Variants in SH2D5 observed in about 807,000 individuals in gnomAD.
SH2D5 encodes SH2 domain-containing protein 5.
SH2D5 carries 45 observed loss-of-function variants against 48.2 expected under a neutral mutation model. The ratio of observed to expected loss-of-function variants is 0.93; its 90% CI spans 0.73 to 1.20. SH2D5 has a LOEUF of 1.20. Among genes scored for constraint, SH2D5 ranks in the 50% most tolerant of loss-of-function variants. The pLI, the probability that SH2D5 is intolerant of heterozygous loss-of-function variation, is 0.00. For synonymous variants in SH2D5, 230 were observed against 249.8 expected, an observed-to-expected ratio of 0.92 and a Z score of 0.75; for missense variants, 538 against 584.1, an observed-to-expected ratio of 0.92 and a Z score of 0.81.
At chr1:20,726,087 G>C in intron 4 of SH2D5, 21 bp from the exon 5 acceptor site, 1 of 1,579,464 alleles carries the variant, frequency 6.3e-7, no homozygotes. Context: ...AGCAGTGTGA[G>C]GCCCCCATCA....
At chr1:20,725,878 C>T (rs2054787284) in intron 5 of SH2D5, 42 bp downstream of exon 5, 2 of 1,606,072 alleles carry the variant, frequency 1.2e-6, no homozygotes, top group Middle Eastern at 2.0e-4. Context: ...CGCACAGCCC[C>T]TCCGGCCTCC....
chr1:20,730,575 A>G (rs2054889906), intron 1 of SH2D5, among the ~76,000 whole-genome samples: 1 of 151,644 alleles, frequency 6.6e-6, no homozygotes, highest in Admixed American at 6.6e-5. Context: ...GGAAACTGGA[A>G]GTTCCTCCCT....
rs1273483062 is a variant in SH2D5, at chr1:20,721,201, C to G, written c.*591G>C. On this transcript the variant is annotated 3_prime_UTR_variant, in exon 10 of 10. Transcript: ENST00000444387. ...TCTGTCCCTCCTGCCCTCTCTGCAC[C>G]TTCCCACCCCTCCTTCACTCTCAGA... 1 of 153,618 alleles carries G rather than the reference C, an allele frequency of 6.5e-6. No individual in the cohort carries two copies. The highest frequency in any genetic ancestry group is 2.4e-5 in the African/African-American group (1 of 41,426). 9.5% of individuals were successfully genotyped at this position (153,618 alleles called of 1,614,324 possible). A position where few individuals can be genotyped will look rare whatever the true frequency, so the allele number is the denominator to read the frequency against.
chr1:20,723,403 C>T (rs2054727578), intron 8 of SH2D5, among the ~76,000 whole-genome samples: 1 of 152,196 alleles, frequency 6.6e-6, no homozygotes, highest in Non-Finnish European at 1.5e-5. Context: ...CAAATCACCT[C>T]ATTTGACCCT....
rs577545407 is a variant in SH2D5, at chr1:20,729,759, C to T, written c.-42-1673G>A. ...AGCCCGGGAAGGGACCCTGTCTCTGCCTGCCCATGACCTTTAACCTCAGGC... is the reference window on the plus strand; with the variant it reads ...AGCCCGGGAAGGGACCCTGTCTCTGTCTGCCCATGACCTTTAACCTCAGGC... On this transcript the variant is annotated intron_variant, in intron 1 of 9. Transcript: ENST00000444387. The surrounding 1 kb of genome is among the most constrained non-coding windows in gnomAD (Gnocchi z 4.2). Among the ~76,000 whole-genome samples the T allele has an allele frequency of 1.1e-4, 17 of 152,348 alleles. No homozygotes were observed. The South Asian group carries it at 3.3e-3, about 30-fold the overall frequency.
At chr1:20,722,732 C>A in intron 9 of SH2D5, 24 bp downstream of exon 9, 3 of 1,434,576 alleles carry the variant, frequency 2.1e-6, no homozygotes, top group East Asian at 2.8e-5. Context: ...AGGGCCCAGG[C>A]CCCTCTGGCT....
In SH2D5 at chr1:20,728,326, A is replaced by C. The variant is rs1235565319; in HGVS notation, c.-42-240T>G. 6.6e-6 allele frequency among the ~76,000 whole-genome samples: 1 copy of C among 152,230 alleles called. No individual in the cohort carries two copies. The highest frequency in any genetic ancestry group is 1.5e-5 in the Non-Finnish European group (1 of 68,030). Reference sequence around the variant, plus strand: ...ATTGAACTAAATAGTAAGATAGATCATACGTGAGATGGGGATGGAGCAGGG... The same window carrying C: ...ATTGAACTAAATAGTAAGATAGATCCTACGTGAGATGGGGATGGAGCAGGG... On this transcript the variant is annotated intron_variant, in intron 1 of 9. Transcript: ENST00000444387. The surrounding 1 kb of genome is among the most constrained non-coding windows in gnomAD (Gnocchi z 4.3).
rs376043691 is a variant in SH2D5, at chr1:20,724,427, C to T, written c.599G>A (p.Arg200Gln). Reference protein sequence around the residue: ...QNVHALVSFRRLPAEGLVGSG... With the variant: ...QNVHALVSFRQLPAEGLVGSG... Reference sequence around the variant, plus strand: ...GCCCACCAGCCCCTCTGCTGGCAGCCGCCGAAAGGAGACCAGGGCATGGAC... The same window carrying T: ...GCCCACCAGCCCCTCTGCTGGCAGCTGCCGAAAGGAGACCAGGGCATGGAC... The change falls in exon 6 of 10, where the codon CGG (arginine) becomes CAG (glutamine). Residue 200 changes from arginine to glutamine, a missense_variant. By Grantham distance (43) the Arg-to-Gln change is conservative. Transcript: ENST00000444387. 32 of 1,612,926 alleles carry T rather than the reference C, an allele frequency of 2.0e-5. No individual in the cohort carries two copies. The highest frequency in any genetic ancestry group is 1.3e-4 in the East Asian group (6 of 44,876).
chr1:20,722,683 G>A, intron 9 of SH2D5, 73 bp downstream of exon 9: 2 of 1,366,336 alleles, frequency 1.5e-6, no homozygotes, highest in Non-Finnish European at 9.6e-7. Context: ...TTAGAAAAGG[G>A]CAGGCAGGAA....
chr1:20,731,782 AC>A (rs2054915830), intron 1 of SH2D5, among the ~76,000 whole-genome samples: 1 of 151,808 alleles, frequency 6.6e-6, no homozygotes, highest in Non-Finnish European at 1.5e-5. Context: ...CCGCTGCGCT[AC>A]CTCGCTCGGG....
intron 3 of SH2D5, 109 bp downstream of exon 3, chr1:20,727,414 C>A: frequency 8.9e-7 from 1 of 1,118,972 alleles, no homozygotes; most frequent in Non-Finnish European, 1.3e-6. Flanking sequence ...CAAACAGGGC[C>A]TGTGTCCTGC....
In SH2D5 at chr1:20,722,891, C is replaced by T. The variant is rs977192504; in HGVS notation, c.933G>A (p.Arg311=). Residue 311 remains arginine, a synonymous_variant, in exon 9 of 10, where the codon CGG becomes CGA. Transcript: ENST00000444387. Reference sequence around the variant, plus strand: ...GCAGGAAGGCCCCCAGCACGTCTCTCCGCAACAGGGCCAGGGCACAGGGCC... The same window carrying T: ...GCAGGAAGGCCCCCAGCACGTCTCTTCGCAACAGGGCCAGGGCACAGGGCC... ...ISRPCALALL[R]RDVLGAFLLW... 1.2e-6 allele frequency: 2 copies of T among 1,601,530 alleles called. No individual in the cohort carries two copies. The highest frequency in any genetic ancestry group is 1.7e-6 in the Non-Finnish European group (2 of 1,174,460).
rs1284875876 is a variant in SH2D5, at chr1:20,724,099, C to T, written c.783G>A (p.Leu261=). 6.2e-7 allele frequency: 1 copy of T among 1,611,398 alleles called. No homozygotes were observed. The highest frequency in any genetic ancestry group is 8.5e-7 in the Non-Finnish European group (1 of 1,178,800). ...ACAACTCACAGGCCTCCCGAGCCGACAGCTGCAGCTGGGTCTCATAGGTGC... is the reference window on the plus strand; with the variant it reads ...ACAACTCACAGGCCTCCCGAGCCGATAGCTGCAGCTGGGTCTCATAGGTGC... ...RGCTYETQLQ[L]SAREAFPAAW... Residue 261 remains leucine (L), a synonymous_variant, in exon 7 of 10, where the codon CTG becomes CTA. Coordinates refer to ENST00000444387, the MANE Select transcript of SH2D5 (RefSeq NM_001103161.2).
At chr1:20,723,318 C>T (rs1267018687) in intron 8 of SH2D5, among the ~76,000 whole-genome samples, 1 of 152,238 alleles carries the variant, frequency 6.6e-6, no homozygotes, top group Non-Finnish European at 1.5e-5. Flanking sequence ...TGTCAAGACT[C>T]TCTCAGGAGA....
chr1:20,722,100 C>T (rs372989980), intron 9 of SH2D5, 105 bp from the exon 10 acceptor site: 4 of 1,090,298 alleles, frequency 3.7e-6, no homozygotes, highest in African/African-American at 1.6e-5. Context: ...GAGCAGGGAA[C>T]GGAGCCCAGA....
chr1:20,727,331 C>T lies in SH2D5; in HGVS notation c.168+192G>A, dbSNP rs1299441763. On this transcript the variant is annotated intron_variant, in intron 3 of 9. Coordinates refer to ENST00000444387, the MANE Select transcript of SH2D5 (RefSeq NM_001103161.2). ...CATCTGTGGCTTCCAGCTGTGGGGC[C>T]CAGGTCACAGTAGCCCAGGGCATAA... The T allele has an allele frequency of 4.7e-6, 3 of 644,188 alleles. No homozygotes were observed. The African/African-American group carries it at 5.5e-5, about 12-fold the overall frequency. The allele number at this position is 644,188 out of a possible 1,614,324, so 39.9% of individuals were successfully genotyped here.
At position 20,725,957 on chromosome 1, in the gene SH2D5, A is replaced by C. The variant is rs979145331; in HGVS notation, c.353T>G (p.Leu118Arg). The C allele has an allele frequency of 1.9e-6, 3 of 1,613,356 alleles. No homozygotes were observed. Among genetic ancestry groups the C allele is most frequent in the East Asian group, 2.2e-5 (1 of 44,856 alleles). Residue 118 changes from leucine (L) to arginine (R), a missense_variant, in exon 5 of 10, where the codon CTC becomes CGC. Coordinates refer to ENST00000444387, the MANE Select transcript of SH2D5 (RefSeq NM_001103161.2). ...ARNPRSPASK[L>R]FCHLFVGSQP... ...GCTGCCCACAAAGAGGTGGCAGAAG[A>C]GCTTGCTGGCTGGGCTCCGTGGGTT... is the stretch of plus-strand genomic sequence containing the variant.
rs17407755 is a variant in SH2D5, at chr1:20,720,086, A to G, written c.*1706T>C. ...GCCCATCTCTGGGCTGTAATCCTAG[A>G]CCCAGGACATGGCTAAACCTCTCTC... On this transcript the variant is annotated 3_prime_UTR_variant, in exon 10 of 10. Coordinates refer to ENST00000444387, the MANE Select transcript of SH2D5 (RefSeq NM_001103161.2). The G allele has an allele frequency of 0.033, 5,076 of 152,284 alleles. 124 individuals are homozygous for G. The highest frequency in any genetic ancestry group is 0.047 in the Middle Eastern group (14 of 298). The allele number at this position is 152,284 out of a possible 1,614,324, so 9.4% of individuals were successfully genotyped here. A position where few individuals can be genotyped will look rare whatever the true frequency, so the allele number is the denominator to read the frequency against.
chr1:20,724,088 T>G lies in SH2D5; in HGVS notation c.794A>C (p.Glu265Ala). Residue 265 changes from glutamate (E) to alanine (A), a missense_variant, in exon 7 of 10, where the codon GAG (glutamate) becomes GCG (alanine). Coordinates refer to ENST00000444387, the MANE Select transcript of SH2D5 (RefSeq NM_001103161.2). ...GGCATGTTCCCACAACTCACAGGCC[T>G]CCCGAGCCGACAGCTGCAGCTGGGT... Reference protein sequence around the residue: ...YETQLQLSAREAFPAAWEAWP... With the variant: ...YETQLQLSARAAFPAAWEAWP... 2 of 1,610,522 alleles carry G rather than the reference T, an allele frequency of 1.2e-6. No homozygotes were observed. Among genetic ancestry groups the G allele is most frequent in the Non-Finnish European group, 1.7e-6 (2 of 1,178,422 alleles).
Sources: gnomAD v4.1 joint callset for allele counts (sites outside exome capture counted in the v4.1 genomes callset) on GRCh38, gnomAD v4.1.1 for gene constraint, Gnocchi (gnomAD v3.1) non-coding constraint, MANE v1.5 for transcripts, NCBI Gene and HGNC (gene_info 2026-07-23, HGNC 2026-07-21) for gene names.